The following PPP1R12A variants were observed in gnomAD, a reference collection of about 807,000 sequenced individuals.
PPP1R12A encodes myosin binding subunit.
A neutral mutation model predicts 139.6 loss-of-function variants in PPP1R12A; 19 were observed. That is an observed-to-expected ratio of 0.14 (90% CI 0.09 to 0.20). The LOEUF is 0.20. Among genes scored for constraint, PPP1R12A ranks in the 10% least tolerant of loss-of-function variants. PPP1R12A has a pLI of 1.00. For missense variants in PPP1R12A, 925 were observed against 1,211.5 expected, an observed-to-expected ratio of 0.76 and a Z score of 3.51; for synonymous variants, 427 against 420.6, an observed-to-expected ratio of 1.02 and a Z score of -0.19.
chr12:79,843,655 T>C (rs978420645), intron 3 of PPP1R12A, among the ~76,000 whole-genome samples: 1 of 136,724 alleles, frequency 7.3e-6, no homozygotes, highest in Non-Finnish European at 1.6e-5. Context: ...TAGATATAGA[T>C]ATAGATATAG....
chr12:79,853,341 A>T (rs973970972), intron 2 of PPP1R12A, among the ~76,000 whole-genome samples: 5 of 152,234 alleles, frequency 3.3e-5, no homozygotes, highest in African/African-American at 7.2e-5. Context: ...TGAGGCTAAA[A>T]GAAAAGGCAG....
intron 1 of PPP1R12A, among the ~76,000 whole-genome samples, chr12:79,883,404 C>G (rs758622548): frequency 3.0e-4 from 45 of 151,858 alleles, no homozygotes; most frequent in Non-Finnish European, 3.5e-4. Flanking sequence ...TGGAACCAAA[C>G]CCACAGTATC....
At chr12:79,851,395 A>G (rs1880023027) in intron 2 of PPP1R12A, among the ~76,000 whole-genome samples, 3 of 152,192 alleles carry the variant, frequency 2.0e-5, no homozygotes, top group South Asian at 4.1e-4. Flanking sequence ...AATCCAAACA[A>G]AAGTTCTGAC....
chr12:79,840,484 C>G (rs1320001351), intron 3 of PPP1R12A, among the ~76,000 whole-genome samples: 2 of 152,060 alleles, frequency 1.3e-5, no homozygotes, highest in African/African-American at 4.8e-5. Context: ...TCTAGATGTC[C>G]TTTAGTACTA....
chr12:79,782,628 A>G (rs1029964227), intron 22 of PPP1R12A: 4 of 434,354 alleles, frequency 9.2e-6, no homozygotes, highest in African/African-American at 8.3e-5. Context: ...GTTTAAGAAC[A>G]AAACAAAAAA....
intron 1 of PPP1R12A, among the ~76,000 whole-genome samples, chr12:79,923,110 A>C (rs1887571074): frequency 6.6e-6 from 1 of 152,052 alleles, no homozygotes. Flanking sequence ...CCCCATCTTT[A>C]CTAAAATACA....
chr12:79,888,880 T>C (rs557444174), intron 1 of PPP1R12A, among the ~76,000 whole-genome samples: 6 of 152,196 alleles, frequency 3.9e-5, no homozygotes, highest in Admixed American at 1.3e-4. Context: ...AAAGGTAAAA[T>C]AACACCCCAA....
intron 5 of PPP1R12A, chr12:79,828,043 A>C (rs951595073): frequency 9.6e-6 from 2 of 207,724 alleles, no homozygotes; most frequent in Non-Finnish European, 1.9e-5. Context: ...TATTAATGCA[A>C]GTATCCAAAT....
At chr12:79,779,662 C>G (rs1371050469) in intron 23 of PPP1R12A, 1 of 280,574 alleles carries the variant, frequency 3.6e-6, no homozygotes, top group Admixed American at 4.2e-5. Flanking sequence ...TCACACTTCT[C>G]AAAATACTAG....
At chr12:79,836,610 A>C (rs145713677) in intron 3 of PPP1R12A, among the ~76,000 whole-genome samples, 31 of 152,332 alleles carry the variant, frequency 2.0e-4, no homozygotes, top group African/African-American at 7.5e-4. Context: ...TGTTTAAGAA[A>C]ATTAAATTAG....
chr12:79,793,862 C>T lies in PPP1R12A; in HGVS notation c.2649+1G>A. 6.3e-7 allele frequency: 1 copy of T among 1,576,720 alleles called. No homozygotes were observed. The highest frequency in any genetic ancestry group is 8.6e-7 in the Non-Finnish European group (1 of 1,156,562). On this transcript the variant is annotated splice_donor_variant, in intron 19 of 24. Coordinates refer to ENST00000450142, the MANE Select transcript of PPP1R12A (RefSeq NM_002480.3). LOFTEE classifies it high-confidence loss of function. ...TCAATACAAAAAGTAATGGTATTTACCTGAGTTTCTTTCTTATTGGATCCC... is the reference window on the plus strand; with the variant it reads ...TCAATACAAAAAGTAATGGTATTTATCTGAGTTTCTTTCTTATTGGATCCC...
At chr12:79,889,807 A>T (rs535369908) in intron 1 of PPP1R12A, among the ~76,000 whole-genome samples, 1 of 152,328 alleles carries the variant, frequency 6.6e-6, no homozygotes, top group African/African-American at 2.4e-5. Context: ...TTTTGGAGTC[A>T]GAAGTCCAAG....
At chr12:79,866,103 T>C (rs1881930331) in intron 2 of PPP1R12A, among the ~76,000 whole-genome samples, 1 of 152,202 alleles carries the variant, frequency 6.6e-6, no homozygotes, top group African/African-American at 2.4e-5. Flanking sequence ...AACAGCATGG[T>C]ACTGGTACCA....
At chr12:79,876,765 A>C (rs1883141356) in intron 1 of PPP1R12A, among the ~76,000 whole-genome samples, 1 of 152,204 alleles carries the variant, frequency 6.6e-6, no homozygotes, top group African/African-American at 2.4e-5. Context: ...AAAAAGTTTT[A>C]AAGCGGGAGG....
chr12:79,843,081 C>T (rs1175737562), intron 3 of PPP1R12A, among the ~76,000 whole-genome samples: 1 of 152,076 alleles, frequency 6.6e-6, no homozygotes, highest in Non-Finnish European at 1.5e-5. Context: ...ATGTCACTTA[C>T]CATAAAGTCC....
intron 2 of PPP1R12A, among the ~76,000 whole-genome samples, chr12:79,870,955 C>T (rs576599411): frequency 6.6e-6 from 1 of 152,152 alleles, no homozygotes; most frequent in Non-Finnish European, 1.5e-5. Context: ...CTTTGATGTA[C>T]ACAGAATACA....
chr12:79,930,603 T>C (rs1200682635), intron 1 of PPP1R12A, among the ~76,000 whole-genome samples: 1 of 151,964 alleles, frequency 6.6e-6, no homozygotes, highest in East Asian at 1.9e-4. Context: ...AGAAACCGCA[T>C]CTCTACTAAA....
At chr12:79,898,476 T>C (rs1303764823) in intron 1 of PPP1R12A, among the ~76,000 whole-genome samples, 2 of 151,908 alleles carry the variant, frequency 1.3e-5, no homozygotes, top group Admixed American at 6.6e-5. Flanking sequence ...AAATATCCAA[T>C]AGCTATACCC....
intron 2 of PPP1R12A, among the ~76,000 whole-genome samples, chr12:79,858,748 T>G (rs775250099): frequency 1.3e-5 from 2 of 152,120 alleles, no homozygotes; most frequent in Non-Finnish European, 2.9e-5. Flanking sequence ...TGAGGCAAGA[T>G]GCCTAGTCTG....
Sources: gnomAD v4.1 joint callset for allele counts (sites outside exome capture counted in the v4.1 genomes callset) on GRCh38, gnomAD v4.1.1 for gene constraint, MANE v1.5 for transcripts, NCBI Gene and HGNC (gene_info 2026-07-23, HGNC 2026-07-21) for gene names.